Variants in TRPM3 observed in about 807,000 individuals in gnomAD.
TRPM3 encodes long transient receptor potential channel 3.
Under a neutral mutation model 181.2 loss-of-function variants are expected in TRPM3, and 77 were observed. The observed-to-expected ratio is 0.42, with a 90% CI of 0.35 to 0.51. The LOEUF (loss-of-function observed/expected upper bound fraction) is 0.51. TRPM3 is among the 20% of genes least tolerant of loss of function. The pLI, the probability that TRPM3 is intolerant of heterozygous loss-of-function variation, is 0.01. For synonymous variants in TRPM3, 745 were observed against 796.4 expected, an observed-to-expected ratio of 0.94 and a Z score of 1.09; for missense variants, 1,759 against 2,196.7, an observed-to-expected ratio of 0.80 and a Z score of 3.98.
At chr9:71,298,714 C>T (rs2086514076) in intron 1 of TRPM3, among the ~76,000 whole-genome samples, 1 of 152,024 alleles carries the variant, frequency 6.6e-6, no homozygotes, top group African/African-American at 2.4e-5. Context: ...TCTAATGTCA[C>T]CTCCACACTC....
intron 1 of TRPM3, among the ~76,000 whole-genome samples, chr9:71,041,051 A>G (rs1285805752): frequency 4.6e-5 from 7 of 152,190 alleles, no homozygotes; most frequent in Non-Finnish European, 1.0e-4. Flanking sequence ...AATAGATTAC[A>G]TAATATTGTA....
chr9:70,839,642 G>A (rs570967764), intron 5 of TRPM3, among the ~76,000 whole-genome samples: 2 of 152,182 alleles, frequency 1.3e-5, no homozygotes, highest in African/African-American at 4.8e-5. Context: ...ATAAGAAATG[G>A]AGCCTTTCTT....
At chr9:70,669,742 CT>C (rs1244479490) in intron 9 of TRPM3, among the ~76,000 whole-genome samples, 385 of 136,694 alleles carry the variant, frequency 2.8e-3, no homozygotes, top group Non-Finnish European at 4.2e-3. Context: ...TTCTTTCTTT[CT>C]TTTCTTTTTT....
At chr9:70,592,977 G>A (rs149127435) in intron 21 of TRPM3, among the ~76,000 whole-genome samples, 2,384 of 152,200 alleles carry the variant, frequency 0.016, 62 homozygotes, top group African/African-American at 0.054. Context: ...TGAGCCACCC[G>A]CCTCGGCCTC....
At chr9:70,658,964 T>G (rs927926498) in intron 9 of TRPM3, among the ~76,000 whole-genome samples, 6 of 152,100 alleles carry the variant, frequency 3.9e-5, no homozygotes, top group Non-Finnish European at 7.4e-5. Context: ...CAAGAAAACT[T>G]TTCTTTTGAG....
chr9:71,209,663 G>T (rs2079357651), intron 1 of TRPM3, among the ~76,000 whole-genome samples: 1 of 152,158 alleles, frequency 6.6e-6, no homozygotes, highest in South Asian at 2.1e-4. Context: ...ACTGCCCACA[G>T]GCCAAATCCA....
chr9:71,149,062 C>A (rs1323032387), intron 1 of TRPM3, among the ~76,000 whole-genome samples: 1 of 151,934 alleles, frequency 6.6e-6, no homozygotes, highest in Non-Finnish European at 1.5e-5. Context: ...AAAATGTAAT[C>A]AACCAATTGT....
intron 1 of TRPM3, among the ~76,000 whole-genome samples, chr9:71,236,582 C>T (rs1471416385): frequency 2.0e-5 from 3 of 152,176 alleles, no homozygotes; most frequent in African/African-American, 7.2e-5. Context: ...AGAGAATCCT[C>T]TGGGAATGAA....
At chr9:71,237,038 C>G (rs1475148422) in intron 1 of TRPM3, among the ~76,000 whole-genome samples, 2 of 90,554 alleles carry the variant, frequency 2.2e-5, no homozygotes, top group African/African-American at 5.1e-5. Flanking sequence ...TAGAGCAAGA[C>G]TCCATCAAAA....
At chr9:71,122,839 C>T (rs1313939944), upstream of TRPM3, among the ~76,000 whole-genome samples, 1 of 152,192 alleles carries the variant, frequency 6.6e-6, no homozygotes, top group African/African-American at 2.4e-5. Flanking sequence ...AAATTTATGT[C>T]TCTGATTATC....
chr9:70,810,179 C>T (rs1416231216), intron 6 of TRPM3: 7 of 449,850 alleles, frequency 1.6e-5, no homozygotes, highest in Non-Finnish European at 1.9e-5. Flanking sequence ...AGGTCCTCTG[C>T]TTGCCTCCAC....
intron 6 of TRPM3, among the ~76,000 whole-genome samples, chr9:70,805,565 T>C (rs1350679013): frequency 7.4e-6 from 1 of 135,462 alleles, no homozygotes; most frequent in African/African-American, 2.9e-5. Context: ...AAAAAAAAGA[T>C]TGACTTTACC....
chr9:71,398,821 A>C (rs1197093852), intron 1 of TRPM3, among the ~76,000 whole-genome samples: 1 of 152,166 alleles, frequency 6.6e-6, no homozygotes, highest in Non-Finnish European at 1.5e-5. Flanking sequence ...TCCTCATAAA[A>C]TATAAGACAC....
At chr9:70,753,145 C>T (rs1465425684) in intron 8 of TRPM3, among the ~76,000 whole-genome samples, 1 of 151,964 alleles carries the variant, frequency 6.6e-6, no homozygotes, top group Admixed American at 6.6e-5. Flanking sequence ...GTTCACACAA[C>T]AATGAAATAG....
intron 1 of TRPM3, among the ~76,000 whole-genome samples, chr9:71,044,049 C>T (rs754741736): frequency 1.7e-4 from 26 of 152,290 alleles, no homozygotes; most frequent in Middle Eastern, 3.4e-3. Flanking sequence ...ACTCCCCTCC[C>T]ATTTTCTAGG....
At chr9:71,132,279 T>C (rs1279302729) in intron 1 of TRPM3, among the ~76,000 whole-genome samples, 1 of 152,234 alleles carries the variant, frequency 6.6e-6, no homozygotes, top group Non-Finnish European at 1.5e-5. Context: ...CTTTGCCTTA[T>C]GCTCCATGGC....
At chr9:70,755,200 C>A (rs555576367) in intron 8 of TRPM3, among the ~76,000 whole-genome samples, 1 of 151,862 alleles carries the variant, frequency 6.6e-6, no homozygotes, top group Admixed American at 6.6e-5. Context: ...GAAGAGCAAC[C>A]ACAAGACACA....
At chr9:70,939,535 T>G (rs1241921433) in intron 1 of TRPM3, among the ~76,000 whole-genome samples, 1 of 152,238 alleles carries the variant, frequency 6.6e-6, no homozygotes, top group Non-Finnish European at 1.5e-5. Context: ...TTTCTTGAGA[T>G]AAATCAACAA....
intron 1 of TRPM3, among the ~76,000 whole-genome samples, chr9:71,296,669 T>C (rs962243671): frequency 2.6e-5 from 4 of 152,122 alleles, no homozygotes; most frequent in African/African-American, 9.7e-5. Flanking sequence ...TTATCTGATA[T>C]ATTTTTAAAC....
Sources: gnomAD v4.1 joint callset for allele counts (sites outside exome capture counted in the v4.1 genomes callset) on GRCh38, gnomAD v4.1.1 for gene constraint, MANE v1.5 for transcripts, NCBI Gene and HGNC (gene_info 2026-07-23, HGNC 2026-07-21) for gene names.